NIBAN1: variants seen among roughly 807,000 people sequenced by gnomAD.
NIBAN1 encodes niban apoptosis regulator 1.
In NIBAN1, 81 loss-of-function variants were observed where a neutral mutation model predicts 75.1. The ratio of observed to expected loss-of-function variants is 1.08; its 90% CI spans 0.90 to 1.30. The LOEUF is 1.30. Among genes scored for constraint, NIBAN1 ranks in the 50% most tolerant of loss-of-function variants. The pLI is 0.00. For missense variants in NIBAN1, 1,133 were observed against 1,128.1 expected, an observed-to-expected ratio of 1.00 and a Z score of -0.06; for synonymous variants, 436 against 424.8, an observed-to-expected ratio of 1.03 and a Z score of -0.32.
At position 184,806,011 on chromosome 1, in the gene NIBAN1, G is replaced by A. The variant is rs1212096886; in HGVS notation, c.1381C>T (p.His461Tyr). The change falls in exon 11 of 14, where the codon CAT (histidine) becomes TAT (tyrosine). Residue 461 changes from histidine (H) to tyrosine (Y), a missense_variant. Transcript: ENST00000367511. ...VFTFEQLLSP[H>Y]LQGEASKTAV... Reference sequence around the variant, plus strand: ...GTTTTGGAGGCCTCTCCTTGGAGATGTGGGGAAAGCAACTGCTCAAAAGTG... The same window carrying A: ...GTTTTGGAGGCCTCTCCTTGGAGATATGGGGAAAGCAACTGCTCAAAAGTG... 6 of 1,614,186 alleles carry A rather than the reference G, an allele frequency of 3.7e-6. No individual in the cohort carries two copies. In the Admixed American group the frequency reaches 8.3e-5, roughly 22 times the overall value.
At chr1:184,869,897 A>G (rs560883190) in intron 5 of NIBAN1, among the ~76,000 whole-genome samples, 49 of 152,218 alleles carry the variant, frequency 3.2e-4, no homozygotes, top group Non-Finnish European at 6.3e-4. Flanking sequence ...CATTAAATTC[A>G]TATTATAAAA....
chr1:184,925,524 G>A (rs1657659765), intron 1 of NIBAN1, among the ~76,000 whole-genome samples: 1 of 151,844 alleles, frequency 6.6e-6, no homozygotes. Flanking sequence ...TAGTGAAGAT[G>A]ATTTTTCTCC....
Position 184,794,748 on chromosome 1 carries a change from C to G in NIBAN1, c.*229G>C, listed in dbSNP as rs1325672603. 6.6e-6 allele frequency: 4 copies of G among 605,276 alleles called. No individual in the cohort carries two copies. Among genetic ancestry groups the G allele is most frequent in the Non-Finnish European group, 1.2e-5 (4 of 343,172 alleles). The allele number at this position is 605,276 out of a possible 1,614,324, so 37.5% of individuals were successfully genotyped here. ...CCTCTCACCCCAAGTATGCCATTGTCTTTGTAATTCTTATTAAAATACTAA... is the reference window on the plus strand; with the variant it reads ...CCTCTCACCCCAAGTATGCCATTGTGTTTGTAATTCTTATTAAAATACTAA... On this transcript the variant is annotated 3_prime_UTR_variant, in exon 14 of 14. Transcript: ENST00000367511.
chr1:184,793,725 G>A lies in NIBAN1; in HGVS notation c.*1252C>T, dbSNP rs1158939851. 1 of 152,132 alleles carries A rather than the reference G, an allele frequency of 6.6e-6. No homozygotes were observed. The highest frequency in any genetic ancestry group is 1.5e-5 in the Non-Finnish European group (1 of 68,016). 9.4% of individuals were successfully genotyped at this position (152,132 alleles called of 1,614,324 possible). The stretch of plus-strand genomic sequence containing the variant: ...CCATTTTCAACATTAATGGTTATAG[G>A]TCACCATCCGTTAAGAAGATGTGTT... On this transcript the variant is annotated 3_prime_UTR_variant, in exon 14 of 14. Coordinates refer to ENST00000367511, the MANE Select transcript of NIBAN1 (RefSeq NM_052966.4).
chr1:184,944,782 G>C (rs940154421), intron 1 of NIBAN1, among the ~76,000 whole-genome samples: 4 of 152,182 alleles, frequency 2.6e-5, no homozygotes, highest in African/African-American at 9.7e-5. Context: ...TACTCTCAAG[G>C]GTCTTTTAGT....
intron 5 of NIBAN1, chr1:184,868,048 T>G (rs760568227): frequency 1.1e-5 from 11 of 985,290 alleles, no homozygotes; most frequent in Non-Finnish European, 1.3e-5. Context: ...TGCCCTGATC[T>G]CCCACCAGAA....
Position 184,798,146 on chromosome 1 carries a change from A to G in NIBAN1, c.1599T>C (p.Asn533=), listed in dbSNP as rs758976480. 85 of 1,611,294 alleles carry G rather than the reference A, an allele frequency of 5.3e-5. No homozygotes were observed. The highest frequency in any genetic ancestry group is 4.9e-4 in the East Asian group (22 of 44,846). ...YEQFIFADHT[N]MIHVENVYEE... is the part of the protein sequence containing the mutation. ...CATAGACATTTTCAACGTGAATCATATTGGTATGATCTGCAAAGATGAACT... is the reference window on the plus strand; with the variant it reads ...CATAGACATTTTCAACGTGAATCATGTTGGTATGATCTGCAAAGATGAACT... Residue 533 remains asparagine (N), a synonymous_variant, in exon 13 of 14, where the codon AAT becomes AAC. Coordinates refer to ENST00000367511, the MANE Select transcript of NIBAN1 (RefSeq NM_052966.4).
At chr1:184,939,421 C>T (rs1394160552) in intron 1 of NIBAN1, among the ~76,000 whole-genome samples, 2 of 152,212 alleles carry the variant, frequency 1.3e-5, no homozygotes, top group East Asian at 3.8e-4. Flanking sequence ...TGCCTCTTGT[C>T]ACCAAGGCTC....
chr1:184,838,212 A>G (rs1655189782), intron 5 of NIBAN1, among the ~76,000 whole-genome samples: 1 of 152,226 alleles, frequency 6.6e-6, no homozygotes, highest in South Asian at 2.1e-4. Context: ...TTCGAAGGAC[A>G]GATTTTTAAC....
intron 1 of NIBAN1, among the ~76,000 whole-genome samples, chr1:184,969,612 G>A (rs1195316427): frequency 6.6e-6 from 1 of 151,972 alleles, no homozygotes; most frequent in Non-Finnish European, 1.5e-5. Flanking sequence ...AACAGGTACA[G>A]ACCAATCAGC....
chr1:184,810,587 G>C (rs1159214241), intron 9 of NIBAN1, among the ~76,000 whole-genome samples: 2 of 152,194 alleles, frequency 1.3e-5, no homozygotes, highest in Non-Finnish European at 2.9e-5. Context: ...GTGTTGACCA[G>C]TCCCAGCAGC....
intron 1 of NIBAN1, among the ~76,000 whole-genome samples, chr1:184,914,429 A>C (rs1657327787): frequency 1.3e-5 from 2 of 152,326 alleles, no homozygotes; most frequent in South Asian, 4.1e-4. Flanking sequence ...AGTGTTGTCT[A>C]ATAGAAATTT....
chr1:184,805,187 C>T (rs1654161298), intron 11 of NIBAN1, among the ~76,000 whole-genome samples: 2 of 152,182 alleles, frequency 1.3e-5, no homozygotes, highest in Non-Finnish European at 1.5e-5. Context: ...CCCCTAGGCT[C>T]TGTGGGACTT....
intron 1 of NIBAN1, among the ~76,000 whole-genome samples, chr1:184,973,102 T>A (rs1182281743): frequency 1.3e-5 from 2 of 152,194 alleles, no homozygotes; most frequent in African/African-American, 4.8e-5. Context: ...CTTTTACTAA[T>A]ATAAATAAAT....
chr1:184,794,695 C>T lies in NIBAN1; in HGVS notation c.*282G>A, dbSNP rs909194427. The T allele has an allele frequency of 6.6e-5, 34 of 513,458 alleles. No individual in the cohort carries two copies. Among genetic ancestry groups the T allele is most frequent in the South Asian group, 6.4e-4 (31 of 48,562 alleles). The allele number at this position is 513,458 out of a possible 1,614,324, so 31.8% of individuals were successfully genotyped here. A position where few individuals can be genotyped will look rare whatever the true frequency, so the allele number is the denominator to read the frequency against. ...TGTTTTCTCAGTCTTCCCTGCAATA[C>T]TATTCCCTCCTCAGACATCCTCAGC... On this transcript the variant is annotated 3_prime_UTR_variant, in exon 14 of 14. Transcript: ENST00000367511.
intron 5 of NIBAN1, among the ~76,000 whole-genome samples, chr1:184,855,748 A>T (rs1016404658): frequency 1.4e-4 from 22 of 152,214 alleles, no homozygotes; most frequent in African/African-American, 4.6e-4. Flanking sequence ...AAGAACAGGC[A>T]TCTTTGTTTT....
intron 11 of NIBAN1, among the ~76,000 whole-genome samples, chr1:184,804,665 T>C (rs1431209432): frequency 6.6e-6 from 1 of 152,210 alleles, no homozygotes; most frequent in Non-Finnish European, 1.5e-5. Flanking sequence ...CTACATTTTT[T>C]CTTCCTTTCT....
chr1:184,869,797 C>A (rs186627051), intron 5 of NIBAN1, among the ~76,000 whole-genome samples: 2 of 152,324 alleles, frequency 1.3e-5, no homozygotes, highest in African/African-American at 2.4e-5. Flanking sequence ...CCACCTTGGC[C>A]TCCCAACGTG....
At chr1:184,879,750 G>T (rs1338776627) in intron 5 of NIBAN1, among the ~76,000 whole-genome samples, 1 of 152,266 alleles carries the variant, frequency 6.6e-6, no homozygotes. Context: ...GATTTCTGGG[G>T]TAAGAGCTTA....
Sources: allele counts gnomAD v4.1 joint callset (sites outside exome capture counted in the v4.1 genomes callset), GRCh38; gene constraint gnomAD v4.1.1; transcripts MANE v1.5; gene names NCBI Gene and HGNC (gene_info 2026-07-23, HGNC 2026-07-21).